The following ERBB4 variants were observed in gnomAD, a reference collection of about 807,000 sequenced individuals.
ERBB4 encodes the protein erb-b2 receptor tyrosine kinase 4, also known as receptor tyrosine-protein kinase erbB-4.
In ERBB4, 42 loss-of-function variants were observed where a neutral mutation model predicts 158.0. The ratio of observed to expected loss-of-function variants is 0.27; its 90% CI spans 0.21 to 0.34. The LOEUF is 0.34. Ranked by LOEUF, ERBB4 falls within the 10% of genes least tolerant of loss-of-function variation. The probability of loss-of-function intolerance (pLI) is 1.00; values close to 1 mark genes in which losing one functional copy is unlikely to be tolerated. For synonymous variants in ERBB4, 583 were observed against 558.7 expected (o/e 1.04, Z -0.61); for missense variants, 1,333 against 1,624.1 (o/e 0.82, Z 3.08).
At chr2:212,401,976 T>A (rs1165709840) in intron 1 of ERBB4, among the ~76,000 whole-genome samples, 1 of 152,164 alleles carries the variant, frequency 6.6e-6, no homozygotes, top group Non-Finnish European at 1.5e-5. Flanking sequence ...AGGTTTCTCA[T>A]ATTTTTATAT....
At chr2:211,957,310 A>G (rs944252659) in intron 2 of ERBB4, among the ~76,000 whole-genome samples, 1 of 152,250 alleles carries the variant, frequency 6.6e-6, no homozygotes, top group Non-Finnish European at 1.5e-5. Flanking sequence ...ATGACAAGAA[A>G]AAAGACCATG....
intron 3 of ERBB4, among the ~76,000 whole-genome samples, chr2:211,788,564 T>C (rs993884046): frequency 1.3e-5 from 2 of 152,168 alleles, no homozygotes; most frequent in East Asian, 3.8e-4. Context: ...GAACAGGATA[T>C]GTCATAGTAT....
intron 1 of ERBB4, among the ~76,000 whole-genome samples, chr2:212,476,355 A>G (rs1689402597): frequency 6.6e-6 from 1 of 152,172 alleles, no homozygotes; most frequent in African/African-American, 2.4e-5. Context: ...GTAGGTGTCA[A>G]AAAACATTTT....
chr2:212,447,145 C>T (rs572300768), intron 1 of ERBB4, among the ~76,000 whole-genome samples: 109 of 151,884 alleles, frequency 7.2e-4, no homozygotes, highest in Non-Finnish European at 1.3e-3. Flanking sequence ...TACAGGCACC[C>T]GCCACCATGC....
chr2:211,650,689 C>G (rs1269596754), intron 16 of ERBB4, among the ~76,000 whole-genome samples: 1 of 151,956 alleles, frequency 6.6e-6, no homozygotes, highest in Admixed American at 6.6e-5. Flanking sequence ...GCAGTGCAGT[C>G]CAATAGATCT....
chr2:212,495,276 C>T (rs1690498153), intron 1 of ERBB4, among the ~76,000 whole-genome samples: 1 of 152,166 alleles, frequency 6.6e-6, no homozygotes, highest in Non-Finnish European at 1.5e-5. Flanking sequence ...TCCCCTGTCT[C>T]TCACCCATGT....
At chr2:212,033,711 G>T (rs971274582) in intron 2 of ERBB4, among the ~76,000 whole-genome samples, 4 of 151,772 alleles carry the variant, frequency 2.6e-5, no homozygotes, top group African/African-American at 9.7e-5. Flanking sequence ...GCCATTTTAG[G>T]TATTAGTTAA....
intron 2 of ERBB4, 122 bp downstream of exon 2, chr2:212,124,630 A>C: frequency 9.2e-7 from 1 of 1,088,830 alleles, no homozygotes; most frequent in Admixed American, 1.8e-5. Context: ...TCTTTTGCCT[A>C]TAGTCACAGT....
At chr2:212,048,264 G>T (rs1190782655) in intron 2 of ERBB4, among the ~76,000 whole-genome samples, 1 of 152,140 alleles carries the variant, frequency 6.6e-6, no homozygotes, top group Non-Finnish European at 1.5e-5. Flanking sequence ...TACTTTAAGT[G>T]CAATGGGAAT....
At position 211,581,093 on chromosome 2, in the gene ERBB4, C is replaced by T. The variant is rs367614753; in HGVS notation, c.2302-19005G>A. Among the ~76,000 whole-genome samples, 74 of 150,116 alleles carry T rather than the reference C, an allele frequency of 4.9e-4. 2 individuals carry two copies. In the Middle Eastern group the frequency reaches 0.02, roughly 41 times the overall value. ...GGGATGCAAAGGCATAAGGAAGACA[C>T]AATGGACTTTGGGGACTCAGGGGGA... On this transcript the variant is annotated intron_variant, in intron 19 of 27. Coordinates refer to ENST00000342788, the MANE Select transcript of ERBB4 (RefSeq NM_005235.3).
intron 1 of ERBB4, among the ~76,000 whole-genome samples, chr2:212,304,978 A>G (rs910005469): frequency 6.6e-6 from 1 of 151,436 alleles, no homozygotes; most frequent in Non-Finnish European, 1.5e-5. Flanking sequence ...TTAGCCAATA[A>G]CAAGAGAGAA....
intron 20 of ERBB4, among the ~76,000 whole-genome samples, chr2:211,520,986 TC>T: frequency 6.6e-6 from 1 of 152,238 alleles, no homozygotes; most frequent in African/African-American, 2.4e-5. Context: ...CATTACCCAA[TC>T]TTTTCCCATC....
intron 1 of ERBB4, among the ~76,000 whole-genome samples, chr2:212,260,874 T>G (rs1034982355): frequency 6.6e-6 from 1 of 152,030 alleles, no homozygotes; most frequent in South Asian, 2.1e-4. Flanking sequence ...AAATGGTTAT[T>G]TGAAGAAAAG....
intron 19 of ERBB4, among the ~76,000 whole-genome samples, chr2:211,580,073 T>C (rs775797473): frequency 2.0e-4 from 31 of 152,240 alleles, no homozygotes; most frequent in Non-Finnish European, 4.4e-4. Context: ...TTGGAAACTG[T>C]TGGTGCTTTT....
chr2:212,118,263 G>A (rs944395747), intron 2 of ERBB4, among the ~76,000 whole-genome samples: 4 of 152,158 alleles, frequency 2.6e-5, no homozygotes, highest in African/African-American at 9.7e-5. Context: ...AACAGGGAAG[G>A]AATAGATCAA....
chr2:212,244,271 A>G (rs1016075180), intron 1 of ERBB4, among the ~76,000 whole-genome samples: 5 of 152,140 alleles, frequency 3.3e-5, no homozygotes, highest in African/African-American at 1.2e-4. Flanking sequence ...TCATAAGTCC[A>G]TCCTTTTTAC....
intron 1 of ERBB4, among the ~76,000 whole-genome samples, chr2:212,262,548 T>C (rs751637320): frequency 3.1e-4 from 47 of 152,176 alleles, no homozygotes; most frequent in South Asian, 1.0e-3. Flanking sequence ...CTTACAATTA[T>C]GTGAACCCAT....
At chr2:212,101,172 CAG>C (rs944990345) in intron 2 of ERBB4, among the ~76,000 whole-genome samples, 3 of 151,400 alleles carry the variant, frequency 2.0e-5, no homozygotes, top group Non-Finnish European at 4.4e-5. Flanking sequence ...TATTAATGAG[CAG>C]AAATGATATG....
intron 2 of ERBB4, among the ~76,000 whole-genome samples, chr2:212,031,840 C>T (rs1338186383): frequency 6.6e-6 from 1 of 151,936 alleles, no homozygotes; most frequent in African/African-American, 2.4e-5. Context: ...AAATTGTGTG[C>T]AGAAAAGACT....
Sources: gnomAD v4.1 joint callset for allele counts (sites outside exome capture counted in the v4.1 genomes callset) on GRCh38, gnomAD v4.1.1 for gene constraint, MANE v1.5 for transcripts, NCBI Gene and HGNC (gene_info 2026-07-23, HGNC 2026-07-21) for gene names.